SLC38A11: variants seen among roughly 807,000 people sequenced by gnomAD.
SLC38A11 encodes putative sodium-coupled neutral amino acid transporter 11.
Under a neutral mutation model 49.4 loss-of-function variants are expected in SLC38A11, and 51 were observed. The ratio of observed to expected loss-of-function variants is 1.03; its 90% CI spans 0.83 to 1.30. SLC38A11 has a LOEUF of 1.30. SLC38A11 is among the 50% of genes most tolerant of loss of function. The pLI is 0.00. For synonymous variants in SLC38A11, 203 were observed against 192.9 expected (o/e 1.05, Z -0.43); for missense variants, 574 against 556.2 (o/e 1.03, Z -0.32).
rs143769626 is a variant in SLC38A11, at chr2:164,907,308, C to G, written c.1095+1332G>C. On this transcript the variant is annotated intron_variant, in intron 11 of 11. Coordinates refer to ENST00000685975, the MANE Select transcript of SLC38A11 (RefSeq NM_001351537.2). ...TTTTTTTTTGAGACCGGGTCTCACT[C>G]TGTTGCCCAGGCTGGAGTGCAGTGG... 5.8e-4 allele frequency among the ~76,000 whole-genome samples: 70 copies of G among 120,252 alleles called. 1 individual carries two copies. In the East Asian group the frequency reaches 0.019, roughly 33 times the overall value. The allele number at this position is 120,252 out of a possible 152,430, so 78.9% of individuals were successfully genotyped here.
intron 11 of SLC38A11, among the ~76,000 whole-genome samples, chr2:164,906,165 T>C (rs1410746170): frequency 1.3e-5 from 2 of 152,208 alleles, no homozygotes; most frequent in Non-Finnish European, 2.9e-5. Flanking sequence ...AAATATATTT[T>C]GTCTTACAAC....
At position 164,919,117 on chromosome 2, in the gene SLC38A11, G is replaced by C. The variant is rs546127342; in HGVS notation, c.618-3144C>G. 8.5e-5 allele frequency among the ~76,000 whole-genome samples: 13 copies of C among 152,206 alleles called. No individual in the cohort carries two copies. The South Asian group carries it at 2.7e-3, about 32-fold the overall frequency. On this transcript the variant is annotated intron_variant, in intron 7 of 11. Coordinates refer to ENST00000685975, the MANE Select transcript of SLC38A11 (RefSeq NM_001351537.2). ...TTTGGGAGGCCGAGGCAGAAGGATT[G>C]CTTTGAGTTCAAGACTGGCCTGGGC...
intron 7 of SLC38A11, among the ~76,000 whole-genome samples, chr2:164,917,496 C>T (rs1277843673): frequency 6.6e-6 from 1 of 152,148 alleles, no homozygotes; most frequent in Non-Finnish European, 1.5e-5. Context: ...CTGCCACCTG[C>T]TGCCTCCACT....
intron 7 of SLC38A11, among the ~76,000 whole-genome samples, chr2:164,919,664 C>T (rs1403575497): frequency 6.6e-6 from 1 of 152,122 alleles, no homozygotes; most frequent in Non-Finnish European, 1.5e-5. Flanking sequence ...TAAGCACATA[C>T]TTTTATATAA....
chr2:164,945,474 T>C (rs916093352), intron 4 of SLC38A11, 119 bp downstream of exon 4: 69 of 901,908 alleles, frequency 7.7e-5, no homozygotes, highest in Non-Finnish European at 1.0e-4. Flanking sequence ...AACATTTCAT[T>C]TGGGAAAGAT....
chr2:164,942,006 G>A lies in SLC38A11; in HGVS notation c.431-2450C>T, dbSNP rs145207017. Reference sequence around the variant, plus strand: ...GGGGCTGAAAGGATGGTTTCCACCCGATTGTCTCAAGAAGAGATTATTAGT... The same window carrying A: ...GGGGCTGAAAGGATGGTTTCCACCCAATTGTCTCAAGAAGAGATTATTAGT... On this transcript the variant is annotated intron_variant, in intron 5 of 11. Coordinates refer to ENST00000685975, the MANE Select transcript of SLC38A11 (RefSeq NM_001351537.2). Among the ~76,000 whole-genome samples, 772 of 152,174 alleles carry A rather than the reference G, an allele frequency of 5.1e-3. 3 individuals are homozygous for A. The highest frequency in any genetic ancestry group is 0.018 in the African/African-American group (735 of 41,526).
chr2:164,948,991 T>C (rs1007999928), intron 3 of SLC38A11, among the ~76,000 whole-genome samples: 2 of 151,604 alleles, frequency 1.3e-5, no homozygotes, highest in African/African-American at 2.4e-5. Flanking sequence ...TCTGTCATCA[T>C]GTACATATTT....
intron 5 of SLC38A11, among the ~76,000 whole-genome samples, chr2:164,940,559 G>A (rs1029958186): frequency 6.6e-6 from 1 of 151,126 alleles, no homozygotes; most frequent in Non-Finnish European, 1.5e-5. Flanking sequence ...GTGAATGATT[G>A]TGGTAAGAAA....
At chr2:164,911,570 A>C in intron 10 of SLC38A11, 66 bp downstream of exon 10, 1 of 755,794 alleles carries the variant, frequency 1.3e-6, no homozygotes, top group South Asian at 2.8e-5. Flanking sequence ...TTATTTATAA[A>C]TCTTCCTAAA....
intron 5 of SLC38A11, among the ~76,000 whole-genome samples, chr2:164,940,256 ATC>A (rs1220887637): frequency 1.4e-5 from 2 of 138,426 alleles, no homozygotes; most frequent in African/African-American, 2.6e-5. Context: ...ATATATATAT[ATC>A]ACATATATAA....
intron 3 of SLC38A11, 69 bp downstream of exon 3, chr2:164,952,638 G>T: frequency 1.1e-6 from 1 of 939,062 alleles, no homozygotes; most frequent in Non-Finnish European, 1.8e-6. Context: ...ATGTGTGTGT[G>T]TGTGTGTGTA....
At chr2:164,899,225 T>C (rs1343187544) in intron 11 of SLC38A11, among the ~76,000 whole-genome samples, 2 of 152,130 alleles carry the variant, frequency 1.3e-5, no homozygotes, top group East Asian at 3.9e-4. Context: ...GATGTGCCTA[T>C]CTGTGTGAGA....
intron 7 of SLC38A11, among the ~76,000 whole-genome samples, chr2:164,924,788 G>A (rs1264268212): frequency 1.3e-5 from 2 of 151,960 alleles, no homozygotes; most frequent in Non-Finnish European, 1.5e-5. Flanking sequence ...AGGCTGGAGT[G>A]CAGTGGCGCA....
In SLC38A11 at chr2:164,945,675, G is replaced by C; in HGVS notation, c.282C>G (p.Thr94=). Residue 94 remains threonine, a synonymous_variant, in exon 4 of 12, where the codon ACC becomes ACG. Transcript: ENST00000685975. ...IKGGALSGTD[T]YQSLVNKTFG... is the part of the protein sequence containing the mutation. ...AAGTTTTATTGACCAAAGACTGGTA[G>C]GTATCTGTTCCAGAGAGGGCCCCTC... 1 of 1,611,916 alleles carries C rather than the reference G, an allele frequency of 6.2e-7. No individual in the cohort carries two copies. Among genetic ancestry groups the C allele is most frequent in the Non-Finnish European group, 8.5e-7 (1 of 1,179,596 alleles).
At chr2:164,904,455 C>T (rs897387229) in intron 11 of SLC38A11, among the ~76,000 whole-genome samples, 8 of 152,076 alleles carry the variant, frequency 5.3e-5, no homozygotes, top group African/African-American at 1.9e-4. Flanking sequence ...AATTCAATAA[C>T]TATTACCTCA....
chr2:164,905,717 G>A (rs1253082458), intron 11 of SLC38A11, among the ~76,000 whole-genome samples: 1 of 151,922 alleles, frequency 6.6e-6, no homozygotes, highest in Non-Finnish European at 1.5e-5. Flanking sequence ...ATTGTCTTGG[G>A]CTATTAGGTC....
At position 164,895,056 on chromosome 2, in the gene SLC38A11, G is replaced by A. The variant is rs1008041076; in HGVS notation, c.*3381C>T. 9.2e-5 allele frequency among the ~76,000 whole-genome samples: 14 copies of A among 152,112 alleles called. No homozygotes were observed. The highest frequency in any genetic ancestry group is 9.2e-4 in the Admixed American group (14 of 15,256). Reference sequence around the variant, plus strand: ...ATTCTGAGGCCCCACTCCAAGTACTGAATCAGAAACTGTGGGGGTGAAGCC... The same window carrying A: ...ATTCTGAGGCCCCACTCCAAGTACTAAATCAGAAACTGTGGGGGTGAAGCC... On this transcript the variant is annotated 3_prime_UTR_variant, in exon 12 of 12. Coordinates refer to ENST00000685975, the MANE Select transcript of SLC38A11 (RefSeq NM_001351537.2).
In SLC38A11 at chr2:164,939,337, T is replaced by C. The variant is rs576008662; in HGVS notation, c.537+113A>G. 2.6e-5 allele frequency: 16 copies of C among 623,252 alleles called. No individual in the cohort carries two copies. The South Asian group carries it at 3.8e-4, about 15-fold the overall frequency. 38.6% of individuals were successfully genotyped at this position (623,252 alleles called of 1,614,324 possible). On this transcript the variant is annotated intron_variant, in intron 6 of 11. Coordinates refer to ENST00000685975, the MANE Select transcript of SLC38A11 (RefSeq NM_001351537.2). ...AGTTCACTCTAGCATCACCATTAAG[T>C]AAACCAGAAGAAACTAAAGATGAAT...
chr2:164,904,674 T>C (rs1235106289), intron 11 of SLC38A11, among the ~76,000 whole-genome samples: 1 of 152,194 alleles, frequency 6.6e-6, no homozygotes, highest in Non-Finnish European at 1.5e-5. Context: ...ATGAAAGTTA[T>C]TAACTAAAAA....
Sources: allele counts gnomAD v4.1 joint callset (sites outside exome capture counted in the v4.1 genomes callset), GRCh38; gene constraint gnomAD v4.1.1; transcripts MANE v1.5; gene names NCBI Gene and HGNC (gene_info 2026-07-23, HGNC 2026-07-21).